Variants in BCAS1 observed in about 807,000 individuals in gnomAD.
BCAS1 encodes the protein brain enriched myelin associated protein 1.
A neutral mutation model predicts 65.4 loss-of-function variants in BCAS1; 46 were observed. The ratio of observed to expected loss-of-function variants is 0.70; its 90% CI spans 0.55 to 0.90. BCAS1 has a LOEUF of 0.90. Ranked by LOEUF, BCAS1 falls within the 40% of genes least tolerant of loss-of-function variation. The probability of loss-of-function intolerance (pLI) is 0.00; values close to 1 mark genes in which losing one functional copy is unlikely to be tolerated. For missense variants in BCAS1, 793 were observed against 771.2 expected (o/e 1.03, Z -0.33); for synonymous variants, 298 against 293.5 (o/e 1.02, Z -0.16).
intron 10 of BCAS1, among the ~76,000 whole-genome samples, chr20:53,959,010 A>C (rs2089788560): frequency 6.6e-6 from 1 of 152,228 alleles, no homozygotes; most frequent in Non-Finnish European, 1.5e-5. Flanking sequence ...CTTGGATAAG[A>C]TGGAGGATGA....
intron 3 of BCAS1, among the ~76,000 whole-genome samples, chr20:54,057,599 C>T (rs1168830404): frequency 1.3e-5 from 2 of 152,182 alleles, no homozygotes; most frequent in African/African-American, 2.4e-5. Context: ...AATCATATTG[C>T]CCCCAAAGAT....
chr20:54,031,588 C>G (rs2091801604), intron 3 of BCAS1, among the ~76,000 whole-genome samples: 1 of 151,112 alleles, frequency 6.6e-6, no homozygotes, highest in South Asian at 2.1e-4. Context: ...AGTTGCAAAC[C>G]AATAGGAGGT....
chr20:53,966,134 C>A (rs2090019475), intron 10 of BCAS1, among the ~76,000 whole-genome samples: 1 of 152,082 alleles, frequency 6.6e-6, no homozygotes, highest in African/African-American at 2.4e-5. Context: ...TGGGTATCTA[C>A]CCAAAGGAAA....
intron 4 of BCAS1, among the ~76,000 whole-genome samples, chr20:54,015,538 CACAG>C (rs1248738871): frequency 1.3e-5 from 2 of 151,998 alleles, no homozygotes; most frequent in Non-Finnish European, 2.9e-5. Context: ...AGGGAAAGAA[CACAG>C]ACAGCACAAC....
At chr20:54,062,029 C>T (rs6123348) in intron 1 of BCAS1, among the ~76,000 whole-genome samples, 21,121 of 152,072 alleles carry the variant, frequency 0.14, 1,935 homozygotes, top group East Asian at 0.32. Context: ...CAAATTTTGG[C>T]ATCCATAAAT....
intron 4 of BCAS1, among the ~76,000 whole-genome samples, chr20:54,006,298 G>GA (rs2091187747): frequency 6.6e-6 from 1 of 152,018 alleles, no homozygotes; most frequent in Non-Finnish European, 1.5e-5. Context: ...ACGAGAAGAG[G>GA]AAAAAAAGCA....
chr20:53,986,011 GAGTT>G (rs1354819766), intron 7 of BCAS1, among the ~76,000 whole-genome samples: 1 of 152,196 alleles, frequency 6.6e-6, no homozygotes, highest in African/African-American at 2.4e-5. Flanking sequence ...GGGGATGACT[GAGTT>G]AGACTATAAA....
chr20:54,052,452 C>T (rs570336030), intron 3 of BCAS1, among the ~76,000 whole-genome samples: 3 of 152,214 alleles, frequency 2.0e-5, no homozygotes, highest in African/African-American at 7.2e-5. Context: ...TTATTTATTG[C>T]TAAGGAGTAT....
chr20:54,028,087 G>A (rs1218995085), intron 4 of BCAS1, among the ~76,000 whole-genome samples: 1 of 152,126 alleles, frequency 6.6e-6, no homozygotes, highest in Non-Finnish European at 1.5e-5. Context: ...TCCACTGATC[G>A]TAAACGCAAC....
At chr20:54,069,049 G>A (rs1394657554) in intron 1 of BCAS1, among the ~76,000 whole-genome samples, 1 of 152,160 alleles carries the variant, frequency 6.6e-6, no homozygotes, top group Non-Finnish European at 1.5e-5. Context: ...AGAATCTTCT[G>A]TGATTTGGGA....
chr20:54,058,061 T>G, intron 3 of BCAS1, 24 bp downstream of exon 3: 1 of 1,592,842 alleles, frequency 6.3e-7, no homozygotes, highest in Non-Finnish European at 8.6e-7. Flanking sequence ...AGAGGGTAGA[T>G]GCCCTTCCCA....
chr20:53,967,071 C>A lies in BCAS1; in HGVS notation c.1320G>T (p.Val440=). The part of the protein sequence containing the change: ...DSVPTGAEEN[V]VCESPVEIIK... ...TAATCTCTACTGGTGACTCACACAC[C>A]ACCTGGATTATTTTGCCAGGTAATA... The change falls in exon 10 of 13, where the codon GTG becomes GTT. Residue 440 remains valine, a splice_region_variant and synonymous_variant. Coordinates refer to ENST00000688948, the MANE Select transcript of BCAS1 (RefSeq NM_001366298.2). 5 of 1,600,914 alleles carry A rather than the reference C, an allele frequency of 3.1e-6. No homozygotes were observed. The highest frequency in any genetic ancestry group is 4.3e-6 in the Non-Finnish European group (5 of 1,175,896).
intron 3 of BCAS1, among the ~76,000 whole-genome samples, chr20:54,046,329 A>T (rs1348134369): frequency 6.6e-6 from 1 of 151,400 alleles, no homozygotes; most frequent in African/African-American, 2.4e-5. Flanking sequence ...GGAGTTTGAG[A>T]CCAGCCTGCC....
intron 4 of BCAS1, among the ~76,000 whole-genome samples, chr20:54,019,664 C>T (rs1196297957): frequency 6.6e-6 from 1 of 152,208 alleles, no homozygotes; most frequent in African/African-American, 2.4e-5. Context: ...TTCCAATCGG[C>T]TGGCAGCATG....
intron 9 of BCAS1, among the ~76,000 whole-genome samples, chr20:53,974,593 C>A (rs1472812151): frequency 2.0e-5 from 3 of 152,200 alleles, no homozygotes; most frequent in Non-Finnish European, 4.4e-5. Flanking sequence ...ACACCCAGAA[C>A]AAGTTTTGCT....
intron 12 of BCAS1, among the ~76,000 whole-genome samples, chr20:53,947,577 G>T (rs1237820508): frequency 6.6e-6 from 1 of 152,130 alleles, no homozygotes; most frequent in East Asian, 1.9e-4. Flanking sequence ...GGTCCTCACT[G>T]CAGCCCACGA....
At chr20:54,020,465 CCA>C (rs2091533140) in intron 4 of BCAS1, among the ~76,000 whole-genome samples, 1 of 152,174 alleles carries the variant, frequency 6.6e-6, no homozygotes, top group African/African-American at 2.4e-5. Context: ...ATCGTATACA[CCA>C]CATATTTTGC....
Position 53,995,029 on chromosome 20 carries a change from T to C in BCAS1, c.910A>G (p.Lys304Glu). The C allele has an allele frequency of 6.2e-7, 1 of 1,613,616 alleles. No individual in the cohort carries two copies. The highest frequency in any genetic ancestry group is 8.5e-7 in the Non-Finnish European group (1 of 1,179,760). ...CTACCTACCGTGTCTTCTGGGTCCTTTTTTGTTTCAGCTTTGTTAGGTGAA... is the reference window on the plus strand; with the variant it reads ...CTACCTACCGTGTCTTCTGGGTCCTCTTTTGTTTCAGCTTTGTTAGGTGAA... ...LVSPNKAETK[K>E]DPEDTASKAE... is the part of the protein sequence containing the mutation. The change falls in exon 6 of 13, where the codon AAG becomes GAG. Residue 304 changes from lysine to glutamate, a missense_variant. Lys to Glu is a moderately conservative substitution (Grantham distance 56). Transcript: ENST00000688948.
chr20:54,060,339 GTCTC>G (rs1476844534), intron 1 of BCAS1, among the ~76,000 whole-genome samples: 1 of 152,168 alleles, frequency 6.6e-6, no homozygotes, highest in East Asian at 1.9e-4. Flanking sequence ...TTGAGACGGA[GTCTC>G]TCTCTGTTGC....
Sources: gnomAD v4.1 joint callset for allele counts (sites outside exome capture counted in the v4.1 genomes callset) on GRCh38, gnomAD v4.1.1 for gene constraint, MANE v1.5 for transcripts, NCBI Gene and HGNC (gene_info 2026-07-23, HGNC 2026-07-21) for gene names.